The following CARD8 variants were observed in gnomAD, a reference collection of about 807,000 sequenced individuals.
CARD8 encodes the protein caspase recruitment domain family member 8.
Under a neutral mutation model 53.2 loss-of-function variants are expected in CARD8, and 38 were observed. The ratio of observed to expected loss-of-function variants is 0.71; its 90% CI spans 0.55 to 0.94. The LOEUF (loss-of-function observed/expected upper bound fraction) is 0.94. Ranked by LOEUF, CARD8 falls within the 40% of genes least tolerant of loss-of-function variation. CARD8 has a pLI of 0.00. For synonymous variants in CARD8, 245 were observed against 244.9 expected, an observed-to-expected ratio of 1.00 and a Z score of 0.00; for missense variants, 561 against 655.5, an observed-to-expected ratio of 0.86 and a Z score of 1.57.
chr19:48,230,869 T>TG lies in CARD8; in HGVS notation c.679dup (p.Gln227ProfsTer10), dbSNP rs1600395079. ...AAACAAGGGGCCGCCCACCAGCCAC[T>TG]GTTCATGGTGCTGCAGGTCCAGGGC... is the stretch of plus-strand genomic sequence containing the variant. On this transcript the variant is annotated frameshift_variant, in exon 9 of 14. Transcript: ENST00000651546. LOFTEE classifies it high-confidence loss of function. 1.9e-6 allele frequency: 3 copies of TG among 1,614,176 alleles called. No individual in the cohort carries two copies. In the East Asian group the frequency reaches 6.7e-5, roughly 36 times the overall value.
chr19:48,252,479 AATAT>A, intron 1 of CARD8, among the ~76,000 whole-genome samples: 1 of 147,936 alleles, frequency 6.8e-6, no homozygotes, highest in South Asian at 2.2e-4. Flanking sequence ...CATATGTAAG[AATAT>A]ATATAATATA....
downstream of CARD8, chr19:48,206,277 G>T (rs990972964): frequency 2.9e-6 from 1 of 343,044 alleles, no homozygotes; most frequent in Non-Finnish European, 5.9e-6. Flanking sequence ...AACATTATGG[G>T]AAGTTGTATA....
At chr19:48,218,747 C>G in intron 12 of CARD8, 124 bp downstream of exon 12, 1 of 1,087,542 alleles carries the variant, frequency 9.2e-7, no homozygotes, top group Non-Finnish European at 1.3e-6. Context: ...TGTTTTAACA[C>G]TGACAATAGA....
chr19:48,231,103 G>C (rs1226264588), intron 8 of CARD8, 97 bp from the exon 9 acceptor site: 1 of 950,214 alleles, frequency 1.1e-6, no homozygotes, highest in Non-Finnish European at 1.6e-6. Context: ...GTGAGGCAAG[G>C]TTCAGGACCC....
intron 3 of CARD8, among the ~76,000 whole-genome samples, chr19:48,249,263 C>G (rs16981864): frequency 0.045 from 6,768 of 151,428 alleles, 423 homozygotes; most frequent in East Asian, 0.3. Context: ...CGATACCAAG[C>G]AAATACAAGT....
At chr19:48,246,893 G>C (rs146636809) in intron 3 of CARD8, among the ~76,000 whole-genome samples, 1 of 152,258 alleles carries the variant, frequency 6.6e-6, no homozygotes, top group East Asian at 1.9e-4. Flanking sequence ...GCAACTTTAT[G>C]GACATCTTTG....
At chr19:48,217,054 C>A (rs1319478684) in intron 12 of CARD8, among the ~76,000 whole-genome samples, 1 of 152,082 alleles carries the variant, frequency 6.6e-6, no homozygotes, top group East Asian at 1.9e-4. Context: ...GATCCCTCGC[C>A]TGCACAGTTC....
At chr19:48,248,988 A>T (rs1321357944) in intron 3 of CARD8, among the ~76,000 whole-genome samples, 1 of 152,224 alleles carries the variant, frequency 6.6e-6, no homozygotes, top group East Asian at 1.9e-4. Context: ...ACCTGAGATC[A>T]GGAGTTCGAA....
At position 48,234,501 on chromosome 19, in the gene CARD8, G is replaced by A. The variant is rs934348668; in HGVS notation, c.252C>T (p.Asp84=). 6.2e-7 allele frequency: 1 copy of A among 1,613,818 alleles called. No homozygotes were observed. Among genetic ancestry groups the A allele is most frequent in the Non-Finnish European group, 8.5e-7 (1 of 1,179,820 alleles). The part of the protein sequence containing the change: ...ELPCVSETLC[D]ISHFFQEDDE... Reference sequence around the variant, plus strand: ...CATCTTCTTGGAAAAAATGTGAGATGTCACAAAGGGTCTCAGAAACACAGG... The same window carrying A: ...CATCTTCTTGGAAAAAATGTGAGATATCACAAAGGGTCTCAGAAACACAGG... The change falls in exon 6 of 14, where the codon GAC becomes GAT. Residue 84 remains aspartate, a synonymous_variant. Transcript: ENST00000651546.
intron 11 of CARD8, 70 bp from the exon 12 acceptor site, chr19:48,219,082 G>A: frequency 6.8e-7 from 1 of 1,463,112 alleles, no homozygotes; most frequent in Non-Finnish European, 9.5e-7. Flanking sequence ...CAGTGAACTG[G>A]CCAATGGAAC....
chr19:48,244,556 G>A (rs1440180766), intron 3 of CARD8, among the ~76,000 whole-genome samples: 2 of 152,210 alleles, frequency 1.3e-5, no homozygotes, highest in African/African-American at 4.8e-5. Context: ...TGAGGTCTGG[G>A]CAGGTAGAGT....
rs780893730 is a variant in CARD8 at position 48,221,777 on chromosome 19, A to C, written c.1114T>G (p.Ser372Ala). 1.2e-6 allele frequency: 2 copies of C among 1,608,736 alleles called. No homozygotes were observed. The part of the protein sequence containing the change: ...SPPMEPLNFG[S>A]SYIVSNSANL... ...GCAGAATTAGACACAATATAACTGG[A>C]ACCAAAGTTCAGGGGTTCCATTGGG... Residue 372 changes from serine to alanine, a missense_variant, in exon 11 of 14, where the codon TCC becomes GCC. Transcript: ENST00000651546.
chr19:48,216,803 C>T (rs2039400040), intron 12 of CARD8, among the ~76,000 whole-genome samples: 1 of 152,152 alleles, frequency 6.6e-6, no homozygotes, highest in South Asian at 2.1e-4. Flanking sequence ...ATTTTTTCCA[C>T]GGACTGGAGA....
intron 1 of CARD8, among the ~76,000 whole-genome samples, chr19:48,251,020 A>T (rs1026149246): frequency 2.6e-5 from 4 of 152,222 alleles, no homozygotes; most frequent in African/African-American, 9.6e-5. Flanking sequence ...TCGAGACAGC[A>T]GGGAGTTAGG....
chr19:48,225,328 T>C (rs559491190), intron 10 of CARD8, among the ~76,000 whole-genome samples: 2 of 151,864 alleles, frequency 1.3e-5, no homozygotes, highest in East Asian at 4.0e-4. Context: ...CCATTTCTAC[T>C]AAAAATACAA....
intron 11 of CARD8, 86 bp from the exon 12 acceptor site, chr19:48,219,098 C>A (rs911866776): frequency 5.5e-6 from 7 of 1,263,834 alleles, no homozygotes; most frequent in Non-Finnish European, 5.7e-6. Flanking sequence ...GGAACTTAAC[C>A]CGTTTCCTGT....
In CARD8 at chr19:48,231,650, C is replaced by A; in HGVS notation, c.542+10G>T. On this transcript the variant is annotated intron_variant, in intron 8 of 13. Coordinates refer to ENST00000651546, the MANE Select transcript of CARD8 (RefSeq NM_001184900.3). The stretch of plus-strand genomic sequence containing the variant: ...GTGGTTTTCAAATCATCAGCATCTT[C>A]CATTCTTACCTGTATCTGTTTGTGC... 1 of 1,578,448 alleles carries A rather than the reference C, an allele frequency of 6.3e-7. No individual in the cohort carries two copies. The highest frequency in any genetic ancestry group is 8.6e-7 in the Non-Finnish European group (1 of 1,163,002).
At chr19:48,227,804 A>C (rs957787826) in intron 10 of CARD8, among the ~76,000 whole-genome samples, 2 of 15,632 alleles carry the variant, frequency 1.3e-4, no homozygotes, top group Non-Finnish European at 2.7e-4. Context: ...CTCCATCACA[A>C]AAAAAAAAAA....
chr19:48,234,161 G>A (rs1364490529), intron 6 of CARD8: 7 of 442,824 alleles, frequency 1.6e-5, no homozygotes, highest in Non-Finnish European at 2.8e-5. Flanking sequence ...ATAACCCACT[G>A]GTCTTCGATT....
Sources: gnomAD v4.1 joint callset for allele counts (sites outside exome capture counted in the v4.1 genomes callset) on GRCh38, gnomAD v4.1.1 for gene constraint, MANE v1.5 for transcripts, NCBI Gene and HGNC (gene_info 2026-07-23, HGNC 2026-07-21) for gene names.